GTF2E2: variants seen among roughly 807,000 people sequenced by gnomAD.
GTF2E2 encodes transcription initiation factor IIE subunit beta.
GTF2E2 carries 21 observed loss-of-function variants against 40.5 expected under a neutral mutation model. The observed-to-expected ratio is 0.52, with a 90% CI of 0.37 to 0.75. The LOEUF is 0.75. GTF2E2 is among the 30% of genes least tolerant of loss of function. GTF2E2 has a pLI of 0.00. For missense variants in GTF2E2, 298 were observed against 338.4 expected (o/e 0.88, Z 0.94); for synonymous variants, 117 against 121.6 (o/e 0.96, Z 0.25).
At chr8:30,588,311 GACTC>G (rs1828741962) in intron 6 of GTF2E2, among the ~76,000 whole-genome samples, 1 of 152,184 alleles carries the variant, frequency 6.6e-6, no homozygotes, top group South Asian at 2.1e-4. Flanking sequence ...TCGAGATAAA[GACTC>G]AGTCTAAGTG....
At chr8:30,594,047 C>T (rs569384652) in intron 6 of GTF2E2, among the ~76,000 whole-genome samples, 1 of 152,152 alleles carries the variant, frequency 6.6e-6, no homozygotes, top group East Asian at 1.9e-4. Flanking sequence ...TCTCCTGCCT[C>T]AGCCCCCCAA....
At chr8:30,609,147 T>C (rs1442290599) in intron 5 of GTF2E2, among the ~76,000 whole-genome samples, 1 of 151,610 alleles carries the variant, frequency 6.6e-6, no homozygotes, top group Non-Finnish European at 1.5e-5. Context: ...GTGTCTGTAA[T>C]CCCAGCTACT....
At chr8:30,612,535 A>T in intron 4 of GTF2E2, 54 bp from the exon 5 acceptor site, 1 of 1,067,990 alleles carries the variant, frequency 9.4e-7, no homozygotes, top group Non-Finnish European at 1.3e-6. Context: ...AAATATATAT[A>T]TATATTTTTG....
intron 3 of GTF2E2, among the ~76,000 whole-genome samples, chr8:30,623,526 T>C (rs947345387): frequency 7.2e-5 from 11 of 152,132 alleles, no homozygotes; most frequent in Non-Finnish European, 1.5e-5. Flanking sequence ...TTTCGGTATA[T>C]ACCCAGTAAT....
intron 6 of GTF2E2, among the ~76,000 whole-genome samples, chr8:30,589,068 A>G (rs1231006589): frequency 6.6e-6 from 1 of 152,138 alleles, no homozygotes; most frequent in Non-Finnish European, 1.5e-5. Context: ...CCTGACCAAC[A>G]TGGTGAAACC....
chr8:30,633,089 A>C (rs1585987215), intron 3 of GTF2E2, among the ~76,000 whole-genome samples: 1 of 152,308 alleles, frequency 6.6e-6, no homozygotes, highest in Non-Finnish European at 1.5e-5. Flanking sequence ...TCAACTGTGC[A>C]CCAATAATTG....
chr8:30,653,337 T>G, intron 2 of GTF2E2, 96 bp downstream of exon 2: 1 of 846,744 alleles, frequency 1.2e-6, no homozygotes, highest in Non-Finnish European at 1.9e-6. Context: ...CCTATCAACA[T>G]GAGTGCTGAA....
rs1190917188 is a variant in GTF2E2 at position 30,645,303 on chromosome 8, T to TTA, written c.166+8129_166+8130insTA. ...TAGATTCAAAAGAGCAAGTGGAATC[T>TTA]CTAAGAATGGCTTCCAGCCACTGGA... On this transcript the variant is annotated intron_variant, in intron 2 of 7. Transcript: ENST00000355904. The TTA allele has an allele frequency of 9.8e-6, 15 of 1,532,884 alleles. No individual in the cohort carries two copies. The Admixed American group carries it at 3.0e-4, about 30-fold the overall frequency. The allele number at this position is 1,532,884 out of a possible 1,614,324, so 95.0% of individuals were successfully genotyped here. A position where few individuals can be genotyped will look rare whatever the true frequency, so the allele number is the denominator to read the frequency against.
chr8:30,640,588 T>A (rs1801781399), intron 2 of GTF2E2, among the ~76,000 whole-genome samples: 1 of 152,266 alleles, frequency 6.6e-6, no homozygotes, highest in South Asian at 2.1e-4. Context: ...TACCTTTTTT[T>A]ATATACACCA....
intron 6 of GTF2E2, among the ~76,000 whole-genome samples, chr8:30,582,739 C>A (rs968272202): frequency 5.9e-5 from 9 of 152,168 alleles, no homozygotes; most frequent in African/African-American, 2.2e-4. Context: ...AACACAGTAA[C>A]GAGCTTGTGC....
intron 6 of GTF2E2, among the ~76,000 whole-genome samples, chr8:30,605,592 T>C (rs1227492650): frequency 2.6e-5 from 4 of 152,024 alleles, no homozygotes; most frequent in East Asian, 1.9e-4. Flanking sequence ...ATTGTTATTA[T>C]ACCTAAGAAT....
intron 6 of GTF2E2, among the ~76,000 whole-genome samples, chr8:30,581,452 C>T (rs997570633): frequency 2.0e-5 from 3 of 152,164 alleles, no homozygotes; most frequent in Non-Finnish European, 1.5e-5. Context: ...TTTCAGTACA[C>T]GCTGCATAAA....
chr8:30,610,156 T>C (rs1342627671), intron 5 of GTF2E2, among the ~76,000 whole-genome samples: 4 of 152,086 alleles, frequency 2.6e-5, no homozygotes, highest in South Asian at 2.1e-4. Context: ...CAGAGCTACA[T>C]TAATCAGGCC....
intron 2 of GTF2E2, among the ~76,000 whole-genome samples, chr8:30,636,624 T>C (rs936965293): frequency 5.3e-5 from 8 of 152,156 alleles, no homozygotes; most frequent in African/African-American, 1.9e-4. Context: ...TGCCTTACAG[T>C]TGGGAAGCCC....
intron 6 of GTF2E2, chr8:30,597,227 CT>C (rs1265577218): frequency 3.9e-5 from 6 of 152,204 alleles, no homozygotes; most frequent in Non-Finnish European, 7.3e-5. Flanking sequence ...GGACGAAAGA[CT>C]TTTTTTCTGT....
At chr8:30,590,165 A>T (rs1219247168) in intron 6 of GTF2E2, among the ~76,000 whole-genome samples, 1 of 152,168 alleles carries the variant, frequency 6.6e-6, no homozygotes, top group East Asian at 1.9e-4. Flanking sequence ...GGAATATCAT[A>T]AACATATAAA....
At chr8:30,628,927 T>A (rs1417439254) in intron 3 of GTF2E2, among the ~76,000 whole-genome samples, 1 of 146,862 alleles carries the variant, frequency 6.8e-6, no homozygotes, top group Admixed American at 6.7e-5. Flanking sequence ...TGAGACTCCG[T>A]CTCAAAAAAA....
chr8:30,589,883 C>A (rs1828793714), intron 6 of GTF2E2, among the ~76,000 whole-genome samples: 1 of 152,190 alleles, frequency 6.6e-6, no homozygotes, highest in Non-Finnish European at 1.5e-5. Context: ...TAACTCTTTA[C>A]CTTGAAAACT....
At chr8:30,635,347 A>G (rs1801563837) in intron 2 of GTF2E2, among the ~76,000 whole-genome samples, 2 of 151,946 alleles carry the variant, frequency 1.3e-5, no homozygotes, top group African/African-American at 4.8e-5. Flanking sequence ...AAAACACCAA[A>G]CCACAATTCT....
Sources: gnomAD v4.1 joint callset for allele counts (sites outside exome capture counted in the v4.1 genomes callset) on GRCh38, gnomAD v4.1.1 for gene constraint, MANE v1.5 for transcripts, NCBI Gene and HGNC (gene_info 2026-07-23, HGNC 2026-07-21) for gene names.